Variants in C5orf22 observed in about 807,000 individuals in gnomAD.
The protein encoded by C5orf22 is UPF0489 protein C5orf22.
Under a neutral mutation model 48.7 loss-of-function variants are expected in C5orf22, and 36 were observed. The ratio of observed to expected loss-of-function variants is 0.74; its 90% CI spans 0.57 to 0.98. The LOEUF is 0.98. Ranked by LOEUF, C5orf22 falls within the 50% of genes least tolerant of loss-of-function variation. The probability of loss-of-function intolerance (pLI) is 0.00; values close to 1 mark genes in which losing one functional copy is unlikely to be tolerated. For synonymous variants in C5orf22, 141 were observed against 180.8 expected (o/e 0.78, Z 1.76); for missense variants, 486 against 521.9 (o/e 0.93, Z 0.67).
At position 31,542,467 on chromosome 5, in the gene C5orf22, C is replaced by CAAAAAAAA. The variant is rs34647885; in HGVS notation, c.992+1069_992+1076dup. ...CTGGACTTTTTCTGAGACTCCGTCT[C>CAAAAAAAA]AAAAAAAAAAAGCGAAAACTTAGCT... On this transcript the variant is annotated intron_variant, in intron 6 of 8. Coordinates refer to ENST00000325366, the MANE Select transcript of C5orf22 (RefSeq NM_018356.3). Among the ~76,000 whole-genome samples the CAAAAAAAA allele has an allele frequency of 6.7e-5, 7 of 104,434 alleles. 1 individual carries two copies. The highest frequency in any genetic ancestry group is 2.1e-4 in the Admixed American group (2 of 9,648). The allele number at this position is 104,434 out of a possible 152,430, so 68.5% of individuals were successfully genotyped here.
intron 5 of C5orf22, 134 bp from the exon 6 acceptor site, chr5:31,541,147 T>C: frequency 1.0e-6 from 1 of 983,298 alleles, no homozygotes; most frequent in Non-Finnish European, 1.5e-6. Flanking sequence ...TGTGTGTGTG[T>C]GTATTGGCGA....
intron 7 of C5orf22, among the ~76,000 whole-genome samples, chr5:31,548,972 C>T (rs1743070854): frequency 3.3e-5 from 5 of 152,148 alleles, no homozygotes; most frequent in Admixed American, 1.3e-4. Flanking sequence ...GTAATCCCAG[C>T]ATTTTGGGAG....
rs768335741 is a variant in C5orf22 at position 31,534,325 on chromosome 5, T to C, written c.135T>C (p.Asn45=). 6 of 1,613,930 alleles carry C rather than the reference T, an allele frequency of 3.7e-6. No individual in the cohort carries two copies. Among genetic ancestry groups the C allele is most frequent in the South Asian group, 3.3e-5 (3 of 91,076 alleles). Residue 45 remains asparagine (N), a synonymous_variant, in exon 2 of 9, where the codon AAT becomes AAC. Coordinates refer to ENST00000325366, the MANE Select transcript of C5orf22 (RefSeq NM_018356.3). Reference sequence around the variant, plus strand: ...GCTCAAAGCATCTTCCTGCCAGTAATGTAAGTTTTTTACATTTCGACTCAC... The same window carrying C: ...GCTCAAAGCATCTTCCTGCCAGTAACGTAAGTTTTTTACATTTCGACTCAC... ...AIGSKHLPAS[N]VSFLHFDSHP...
In C5orf22 at chr5:31,551,439, G is replaced by T. The variant is rs1179655485; in HGVS notation, c.1199+7G>T. 1 of 1,603,838 alleles carries T rather than the reference G, an allele frequency of 6.2e-7. No individual in the cohort carries two copies. Among genetic ancestry groups the T allele is most frequent in the East Asian group, 2.2e-5 (1 of 44,710 alleles). On this transcript the variant is annotated splice_region_variant and intron_variant, in intron 8 of 8. Coordinates refer to ENST00000325366, the MANE Select transcript of C5orf22 (RefSeq NM_018356.3). ...CTCTTGTGACAATTGCAAGGTAAGT[G>T]TGTTCAGCAGAATAATGGCAAATCA...
chr5:31,533,501 G>A (rs1741852436), intron 1 of C5orf22, among the ~76,000 whole-genome samples: 1 of 152,156 alleles, frequency 6.6e-6, no homozygotes, highest in Admixed American at 6.5e-5. Flanking sequence ...GTTGGTGACA[G>A]CTAATAGGAG....
chr5:31,545,625 A>G (rs772258374), intron 6 of C5orf22, 21 bp from the exon 7 acceptor site: 1 of 1,590,308 alleles, frequency 6.3e-7, no homozygotes. Flanking sequence ...TGTTTAATTG[A>G]GTGGGATGGC....
rs1281797303 is a variant in C5orf22 at position 31,554,112 on chromosome 5, AGTATCT to A, written c.*1211_*1216del. The A allele has an allele frequency of 2.0e-5, 3 of 152,156 alleles. No homozygotes were observed. The highest frequency in any genetic ancestry group is 4.4e-5 in the Non-Finnish European group (3 of 68,018). The allele number at this position is 152,156 out of a possible 1,614,324, so 9.4% of individuals were successfully genotyped here. The stretch of plus-strand genomic sequence containing the variant: ...TCAATTGGCCAGTCTTCTGATCTTT[AGTATCT>A]CTTTAGTTCAGTAATTTTTACCTAC... On this transcript the variant is annotated 3_prime_UTR_variant, in exon 9 of 9. Transcript: ENST00000325366.
intron 6 of C5orf22, among the ~76,000 whole-genome samples, chr5:31,542,036 A>G (rs755202798): frequency 6.6e-6 from 1 of 152,196 alleles, no homozygotes; most frequent in Non-Finnish European, 1.5e-5. Context: ...ATGAGATACT[A>G]TACAAGGTCT....
Position 31,532,301 on chromosome 5 carries a change from G to A in C5orf22, c.-92G>A. On this transcript the variant is annotated 5_prime_UTR_variant, in exon 1 of 9. Transcript: ENST00000325366. ...CGCAACCGGGTGAGGGAGCGCTTCC[G>A]CCCGGAGAGAGCTGGCCGGGATGAG... The A allele has an allele frequency of 7.4e-7, 1 of 1,349,500 alleles. No homozygotes were observed. The highest frequency in any genetic ancestry group is 1.4e-5 in the African/African-American group (1 of 69,086). 83.6% of individuals were successfully genotyped at this position (1,349,500 alleles called of 1,614,324 possible).
intron 1 of C5orf22, among the ~76,000 whole-genome samples, chr5:31,534,014 TC>T (rs1741915947): frequency 1.3e-5 from 2 of 152,164 alleles, no homozygotes; most frequent in South Asian, 4.1e-4. Flanking sequence ...CTGGTCTGTT[TC>T]CCCACATGAC....
Position 31,554,242 on chromosome 5 carries a change from GC to G in C5orf22, c.*1341del, listed in dbSNP as rs1743460823. ...CAACACAGCAGTTCTTTTCACTCTTGCTTGTAACTTTCAGGCCTTACCCACA... is the reference window on the plus strand; with the variant it reads ...CAACACAGCAGTTCTTTTCACTCTTGTTGTAACTTTCAGGCCTTACCCACA... On this transcript the variant is annotated 3_prime_UTR_variant, in exon 9 of 9. Coordinates refer to ENST00000325366, the MANE Select transcript of C5orf22 (RefSeq NM_018356.3). 2.0e-5 allele frequency: 3 copies of G among 152,138 alleles called. No homozygotes were observed. Among genetic ancestry groups the G allele is most frequent in the Non-Finnish European group, 4.4e-5 (3 of 68,042 alleles). 9.4% of individuals were successfully genotyped at this position (152,138 alleles called of 1,614,324 possible).
chr5:31,534,235 A>G, intron 1 of C5orf22, 37 bp from the exon 2 acceptor site: 2 of 1,571,122 alleles, frequency 1.3e-6, no homozygotes, highest in Admixed American at 1.8e-5. Flanking sequence ...TCATGGTTTC[A>G]GTGTTAATTC....
At chr5:31,543,856 G>A (rs1469320054) in intron 6 of C5orf22, among the ~76,000 whole-genome samples, 1 of 152,102 alleles carries the variant, frequency 6.6e-6, no homozygotes, top group East Asian at 1.9e-4. Context: ...AGCATGCCCA[G>A]TTAGCTCCTC....
intron 4 of C5orf22, among the ~76,000 whole-genome samples, chr5:31,540,374 T>A (rs1742379398): frequency 6.6e-6 from 1 of 152,186 alleles, no homozygotes; most frequent in Admixed American, 6.5e-5. Context: ...GGAAACATTA[T>A]CCTACAAAGT....
intron 8 of C5orf22, 46 bp downstream of exon 8, chr5:31,551,478 C>CT: frequency 7.0e-7 from 1 of 1,424,954 alleles, no homozygotes. Flanking sequence ...ATGTGCACAT[C>CT]CTAATCTCTG....
chr5:31,546,509 C>T (rs1261735740), intron 7 of C5orf22, among the ~76,000 whole-genome samples: 3 of 152,166 alleles, frequency 2.0e-5, no homozygotes, highest in African/African-American at 4.8e-5. Context: ...TGCTGGTACT[C>T]TTTAAAATAA....
chr5:31,544,380 G>A (rs577356052), intron 6 of C5orf22, among the ~76,000 whole-genome samples: 9 of 152,222 alleles, frequency 5.9e-5, no homozygotes, highest in African/African-American at 1.9e-4. Flanking sequence ...TCAGGAGATC[G>A]AAACCATCCT....
At chr5:31,551,570 T>C (rs990905614) in intron 8 of C5orf22, 138 bp downstream of exon 8, 8 of 682,032 alleles carry the variant, frequency 1.2e-5, no homozygotes, top group South Asian at 2.0e-5. Flanking sequence ...GAGATTATCC[T>C]GGATTTATCA....
At chr5:31,545,835 T>A in intron 7 of C5orf22, 123 bp downstream of exon 7, 1 of 606,496 alleles carries the variant, frequency 1.6e-6, no homozygotes, top group Non-Finnish European at 2.9e-6. Flanking sequence ...CTGAAACAAT[T>A]ATTAAGAAAA....
Sources: allele counts gnomAD v4.1 joint callset (sites outside exome capture counted in the v4.1 genomes callset), GRCh38; gene constraint gnomAD v4.1.1; transcripts MANE v1.5; gene names NCBI Gene and HGNC (gene_info 2026-07-23, HGNC 2026-07-21).